KMT2E: variants seen among roughly 807,000 people sequenced by gnomAD.
KMT2E encodes histone reader KMT2E.
In KMT2E, 30 loss-of-function variants were observed where a neutral mutation model predicts 184.6. The observed-to-expected ratio is 0.16, with a 90% confidence interval of 0.12 to 0.22. KMT2E has a LOEUF of 0.22. Ranked by LOEUF, KMT2E falls within the 10% of genes least tolerant of loss-of-function variation. The pLI is 1.00. For synonymous variants in KMT2E, 815 were observed against 776.5 expected (o/e 1.05, Z -0.82); for missense variants, 2,023 against 2,237.4 (o/e 0.90, Z 1.93).
intron 3 of KMT2E, among the ~76,000 whole-genome samples, chr7:105,044,461 A>T (rs1241402402): frequency 6.6e-6 from 1 of 152,208 alleles, no homozygotes; most frequent in Non-Finnish European, 1.5e-5. Context: ...AGATATGGGC[A>T]CTGAGACCCC....
At chr7:105,073,560 A>G in intron 6 of KMT2E, 59 bp from the exon 7 acceptor site, 11 of 1,084,486 alleles carry the variant, frequency 1.0e-5, no homozygotes, top group Non-Finnish European at 1.5e-5. Flanking sequence ...AGTTTATCAC[A>G]TTTAAGACAG....
chr7:105,035,855 G>A (rs1396178633), intron 1 of KMT2E, among the ~76,000 whole-genome samples: 2 of 151,910 alleles, frequency 1.3e-5, no homozygotes, highest in Admixed American at 6.6e-5. Flanking sequence ...CACCACACCC[G>A]GCCATAAACA....
At position 105,113,343 on chromosome 7, in the gene KMT2E, CA is replaced by C. The variant is rs1799417057; in HGVS notation, c.*15del. 2 of 1,591,988 alleles carry C rather than the reference CA, an allele frequency of 1.3e-6. No homozygotes were observed. Among genetic ancestry groups the C allele is most frequent in the Non-Finnish European group, 8.6e-7 (1 of 1,165,228 alleles). On this transcript the variant is annotated 3_prime_UTR_variant, in exon 27 of 27. Transcript: ENST00000311117. The stretch of plus-strand genomic sequence containing the variant: ...GTCAGGGTGGCATTAAAATGGACTC[CA>C]AAAACATTTTTTTAAATGTTCTGTA...
At chr7:105,096,501 C>A (rs1159915962) in intron 15 of KMT2E, among the ~76,000 whole-genome samples, 3 of 152,002 alleles carry the variant, frequency 2.0e-5, no homozygotes, top group African/African-American at 7.2e-5. Context: ...AAGGGTATGA[C>A]AAGGAAGTCA....
chr7:105,027,065 C>G (rs555391699), intron 1 of KMT2E, among the ~76,000 whole-genome samples: 91 of 146,372 alleles, frequency 6.2e-4, no homozygotes, highest in African/African-American at 2.3e-3. Context: ...TGCAGAAAGG[C>G]CCCGCCCTCT....
chr7:105,028,169 C>CTTTT (rs751104838), intron 1 of KMT2E, among the ~76,000 whole-genome samples: 1 of 142,134 alleles, frequency 7.0e-6, no homozygotes, highest in Non-Finnish European at 1.5e-5. Flanking sequence ...GGAACTGAGA[C>CTTTT]TTTTTTTTTT....
intron 1 of KMT2E, among the ~76,000 whole-genome samples, chr7:105,028,169 CTT>C (rs751104838): frequency 1.5e-4 from 21 of 142,024 alleles, no homozygotes; most frequent in East Asian, 8.1e-4. Context: ...GGAACTGAGA[CTT>C]TTTTTTTTTT....
At chr7:105,064,910 T>C (rs945360943) in intron 5 of KMT2E, among the ~76,000 whole-genome samples, 4 of 152,180 alleles carry the variant, frequency 2.6e-5, no homozygotes, top group Non-Finnish European at 5.9e-5. Flanking sequence ...AATTTTTATT[T>C]TAATACATAA....
intron 3 of KMT2E, among the ~76,000 whole-genome samples, chr7:105,045,957 G>A (rs1796083229): frequency 6.6e-6 from 1 of 151,806 alleles, no homozygotes; most frequent in African/African-American, 2.4e-5. Context: ...GTTTTCTAGG[G>A]ATCTGTACTT....
At chr7:105,045,367 A>C (rs1393594182) in intron 3 of KMT2E, among the ~76,000 whole-genome samples, 1 of 152,256 alleles carries the variant, frequency 6.6e-6, no homozygotes, top group Non-Finnish European at 1.5e-5. Flanking sequence ...CAGTAAGTAC[A>C]TTCACAGTGT....
intron 4 of KMT2E, 41 bp downstream of exon 4, chr7:105,062,319 T>C (rs1796848883): frequency 7.1e-7 from 1 of 1,400,130 alleles, no homozygotes; most frequent in Admixed American, 1.7e-5. Context: ...TTTTTAAATT[T>C]AGAGATTGAA....
At chr7:105,069,442 C>A (rs1412978397) in intron 6 of KMT2E, among the ~76,000 whole-genome samples, 1 of 152,136 alleles carries the variant, frequency 6.6e-6, no homozygotes, top group African/African-American at 2.4e-5. Flanking sequence ...ACACTAGCAC[C>A]AACAATATGA....
chr7:105,043,358 TC>T (rs1294997722), intron 3 of KMT2E, among the ~76,000 whole-genome samples: 8 of 150,040 alleles, frequency 5.3e-5, no homozygotes, highest in Admixed American at 2.6e-4. Context: ...TGCCTCAGCC[TC>T]CCAAGTAGCT....
chr7:105,056,664 G>A (rs1298227017), intron 3 of KMT2E, among the ~76,000 whole-genome samples: 2 of 152,176 alleles, frequency 1.3e-5, no homozygotes, highest in Non-Finnish European at 2.9e-5. Context: ...CCACTCTATT[G>A]GAAGTTTGAA....
chr7:105,067,421 A>G (rs1358704842), intron 6 of KMT2E, among the ~76,000 whole-genome samples: 2 of 151,940 alleles, frequency 1.3e-5, no homozygotes, highest in Non-Finnish European at 2.9e-5. Flanking sequence ...TTGTTTTTTA[A>G]AATCTTTTTA....
chr7:105,086,462 C>T (rs1000233694), intron 13 of KMT2E, among the ~76,000 whole-genome samples: 3 of 152,074 alleles, frequency 2.0e-5, no homozygotes, highest in South Asian at 2.1e-4. Flanking sequence ...CTATGACTCA[C>T]GGCTGTAATC....
chr7:105,051,483 A>G (rs1376033506), intron 3 of KMT2E, among the ~76,000 whole-genome samples: 1 of 152,034 alleles, frequency 6.6e-6, no homozygotes, highest in East Asian at 1.9e-4. Flanking sequence ...CTGCCCCTGC[A>G]TCATCTATTT....
chr7:105,081,589 T>C, intron 12 of KMT2E, 99 bp from the exon 13 acceptor site: 1 of 697,792 alleles, frequency 1.4e-6, no homozygotes, highest in Non-Finnish European at 2.5e-6. Flanking sequence ...AGGTTGTGTT[T>C]GTGAAATAAT....
intron 17 of KMT2E, chr7:105,103,431 T>C (rs967211423): frequency 6.6e-6 from 1 of 152,242 alleles, no homozygotes; most frequent in Admixed American, 6.5e-5. Flanking sequence ...TGCCAGATAC[T>C]GTTCTAAGAG....
Sources: gnomAD v4.1 joint callset for allele counts (sites outside exome capture counted in the v4.1 genomes callset) on GRCh38, gnomAD v4.1.1 for gene constraint, MANE v1.5 for transcripts, NCBI Gene and HGNC (gene_info 2026-07-23, HGNC 2026-07-21) for gene names.